The following THSD4 variants were observed in gnomAD, a reference collection of about 807,000 sequenced individuals.
THSD4 encodes the protein thrombospondin type 1 domain containing 4.
In THSD4, 69 loss-of-function variants were observed where a neutral mutation model predicts 119.0. The observed-to-expected ratio is 0.58, with a 90% confidence interval of 0.48 to 0.71. The LOEUF (loss-of-function observed/expected upper bound fraction) is 0.71, where lower values mean the gene tolerates loss of function less well. Among genes scored for constraint, THSD4 ranks in the 30% least tolerant of loss-of-function variants. The pLI is 0.00. For missense variants in THSD4, 1,393 were observed against 1,391.1 expected (o/e 1.00, Z -0.02); for synonymous variants, 524 against 540.4 (o/e 0.97, Z 0.42).
chr15:71,330,227 G>A (rs1214236185), intron 6 of THSD4, among the ~76,000 whole-genome samples: 1 of 152,126 alleles, frequency 6.6e-6, no homozygotes, highest in African/African-American at 2.4e-5. Context: ...ACTCAGATGT[G>A]CTTTCAATCT....
At chr15:71,266,090 CA>C (rs2044462877) in intron 6 of THSD4, among the ~76,000 whole-genome samples, 4 of 152,244 alleles carry the variant, frequency 2.6e-5, no homozygotes, top group African/African-American at 9.6e-5. Flanking sequence ...GATCTCCCAT[CA>C]CAGCGCTCAA....
intron 6 of THSD4, among the ~76,000 whole-genome samples, chr15:71,360,435 G>T (rs1044503516): frequency 6.6e-6 from 1 of 152,172 alleles, no homozygotes. Context: ...ATGAGAAGCA[G>T]CGTATGCATA....
chr15:71,137,569 C>T (rs535765661), intron 1 of THSD4, among the ~76,000 whole-genome samples: 137 of 152,166 alleles, frequency 9.0e-4, no homozygotes, highest in Admixed American at 1.8e-3. Context: ...AAATGCTGTT[C>T]GTGACCCAAG....
intron 3 of THSD4, among the ~76,000 whole-genome samples, chr15:71,173,919 G>T (rs528488579): frequency 1.3e-5 from 2 of 152,048 alleles, no homozygotes; most frequent in Non-Finnish European, 2.9e-5. Context: ...AAAAGATGTC[G>T]TGTATAAAAA....
intron 6 of THSD4, among the ~76,000 whole-genome samples, chr15:71,389,681 A>C (rs761442803): frequency 6.6e-6 from 1 of 151,740 alleles, no homozygotes; most frequent in African/African-American, 2.4e-5. Flanking sequence ...TGGTAATTCT[A>C]TTTTTAAATT....
intron 7 of THSD4, among the ~76,000 whole-genome samples, chr15:71,590,955 A>G (rs8026922): frequency 0.92 from 132,238 of 144,210 alleles, 61,827 homozygotes; most frequent in East Asian, 1. Flanking sequence ...GCAGTGAGCC[A>G]AGATCACGCC....
Position 71,343,457 on chromosome 15 carries a change from G to A in THSD4, c.1016-68230G>A, listed in dbSNP as rs2045609131. 2.6e-5 allele frequency among the ~76,000 whole-genome samples: 4 copies of A among 152,188 alleles called. No individual in the cohort carries two copies. In the South Asian group the frequency reaches 6.2e-4, roughly 24 times the overall value. ...CCATCTCAGAGGGGAAAAGTCCAAA[G>A]TCAAGGTGTCATCAGGGTTGGCTTC... On this transcript the variant is annotated intron_variant, in intron 6 of 17. Coordinates refer to ENST00000261862, the MANE Select transcript of THSD4 (RefSeq NM_024817.3).
rs947798155 is a variant in THSD4 at position 71,269,267 on chromosome 15, C to T, written c.1015+12552C>T. ...TTATCCATCACAATCAAGTTAACTT[C>T]ATCCCTGGGATGCAAGGCTGGTTCA... On this transcript the variant is annotated intron_variant, in intron 6 of 17. Transcript: ENST00000261862. Among the ~76,000 whole-genome samples, 4 of 152,194 alleles carry T rather than the reference C, an allele frequency of 2.6e-5. No homozygotes were observed. The South Asian group carries it at 8.3e-4, about 31-fold the overall frequency.
intron 3 of THSD4, among the ~76,000 whole-genome samples, chr15:71,205,079 T>C (rs1053342840): frequency 6.6e-6 from 1 of 152,188 alleles, no homozygotes; most frequent in African/African-American, 2.4e-5. Context: ...TTAAAATGCA[T>C]ATTCCTGGGC....
At chr15:71,201,831 G>A (rs1394931879) in intron 3 of THSD4, among the ~76,000 whole-genome samples, 1 of 152,176 alleles carries the variant, frequency 6.6e-6, no homozygotes, top group East Asian at 1.9e-4. Flanking sequence ...CTGTACATAT[G>A]GTTCACGTCG....
intron 7 of THSD4, among the ~76,000 whole-genome samples, chr15:71,563,001 A>G (rs2049154756): frequency 6.6e-6 from 1 of 152,054 alleles, no homozygotes. Context: ...TTTGCTGTAT[A>G]TTCTATAACA....
intron 7 of THSD4, among the ~76,000 whole-genome samples, chr15:71,478,927 G>A (rs1161433598): frequency 6.6e-6 from 1 of 152,194 alleles, no homozygotes; most frequent in African/African-American, 2.4e-5. Context: ...TTTTCTGCAA[G>A]TGAACAGGTC....
chr15:71,098,811 T>C (rs1216378022), intron 1 of THSD4, among the ~76,000 whole-genome samples: 3 of 152,158 alleles, frequency 2.0e-5, no homozygotes, highest in African/African-American at 7.2e-5. Flanking sequence ...ATGCAATTAA[T>C]AGTCAAACTG....
At chr15:71,571,090 A>G (rs1310810566) in intron 7 of THSD4, among the ~76,000 whole-genome samples, 1 of 152,104 alleles carries the variant, frequency 6.6e-6, no homozygotes, top group Non-Finnish European at 1.5e-5. Flanking sequence ...GGGCATTTCC[A>G]CCGTGTCGGC....
At position 71,393,903 on chromosome 15, in the gene THSD4, G is replaced by A. The variant is rs534038455; in HGVS notation, c.1016-17784G>A. ...GAGTCTTCCTGCTCCAAGGTTCTCC[G>A]ATTGAGGCAATCACTAAGATGGAAT... On this transcript the variant is annotated intron_variant, in intron 6 of 17. Coordinates refer to ENST00000261862, the MANE Select transcript of THSD4 (RefSeq NM_024817.3). Among the ~76,000 whole-genome samples the A allele has an allele frequency of 4.6e-5, 7 of 152,176 alleles. No individual in the cohort carries two copies. The South Asian group carries it at 1.5e-3, about 32-fold the overall frequency.
intron 7 of THSD4, among the ~76,000 whole-genome samples, chr15:71,643,426 C>T (rs183535793): frequency 5.3e-4 from 80 of 151,716 alleles, no homozygotes; most frequent in Non-Finnish European, 1.0e-3. Flanking sequence ...AGCCTAGTAC[C>T]CAATAGTTAT....
chr15:71,589,822 T>C (rs12906213), intron 7 of THSD4, among the ~76,000 whole-genome samples: 31,161 of 138,188 alleles, frequency 0.23, 8,650 homozygotes, highest in Non-Finnish European at 0.31. Flanking sequence ...CCCACGAGAA[T>C]AGATAAATAA....
chr15:71,113,944 C>G (rs2040327807), upstream of THSD4, among the ~76,000 whole-genome samples: 1 of 151,144 alleles, frequency 6.6e-6, no homozygotes, highest in Non-Finnish European at 1.5e-5. Flanking sequence ...TAAATCAGTT[C>G]TAAATGGTTT....
At chr15:71,704,006 C>T (rs1267181194) in intron 8 of THSD4, among the ~76,000 whole-genome samples, 3 of 152,062 alleles carry the variant, frequency 2.0e-5, no homozygotes, top group Non-Finnish European at 2.9e-5. Context: ...CCCACCACCA[C>T]GCCCGGCTAA....
Sources: gnomAD v4.1 joint callset for allele counts (sites outside exome capture counted in the v4.1 genomes callset) on GRCh38, gnomAD v4.1.1 for gene constraint, MANE v1.5 for transcripts, NCBI Gene and HGNC (gene_info 2026-07-23, HGNC 2026-07-21) for gene names.